The following LRP1B variants were observed in gnomAD, a reference collection of about 807,000 sequenced individuals.
The protein encoded by LRP1B is low-density lipoprotein receptor-related protein 1B.
A neutral mutation model predicts 556.6 loss-of-function variants in LRP1B; 217 were observed. The observed-to-expected ratio is 0.39, with a 90% CI of 0.35 to 0.44. The LOEUF (loss-of-function observed/expected upper bound fraction) is 0.44, where lower values mean the gene tolerates loss of function less well. LRP1B is among the 20% of genes least tolerant of loss of function. The pLI is 1.00. For missense variants in LRP1B, 5,053 were observed against 5,620.8 expected (o/e 0.90, Z 3.23); for synonymous variants, 2,047 against 1,865.8 (o/e 1.10, Z -2.50).
intron 3 of LRP1B, among the ~76,000 whole-genome samples, chr2:141,383,492 A>G (rs1240604497): frequency 6.6e-6 from 1 of 152,208 alleles, no homozygotes; most frequent in East Asian, 1.9e-4. Flanking sequence ...TGGATAAAAA[A>G]TATATGGTAT....
At chr2:141,084,257 T>C (rs548505632) in intron 7 of LRP1B, among the ~76,000 whole-genome samples, 34 of 152,296 alleles carry the variant, frequency 2.2e-4, no homozygotes, top group Middle Eastern at 6.8e-3. Flanking sequence ...AAACATGTTT[T>C]TATGGAAAAT....
At chr2:141,884,438 A>C (rs943134333) in intron 1 of LRP1B, among the ~76,000 whole-genome samples, 3 of 152,164 alleles carry the variant, frequency 2.0e-5, no homozygotes, top group Admixed American at 2.0e-4. Context: ...AGAAATGTTA[A>C]AGATCTAAAG....
intron 2 of LRP1B, among the ~76,000 whole-genome samples, chr2:141,670,756 C>T (rs1690636205): frequency 6.6e-6 from 1 of 152,192 alleles, no homozygotes; most frequent in African/African-American, 2.4e-5. Flanking sequence ...GAACTTTTGG[C>T]ACTTAGTTCT....
At chr2:141,690,396 A>AATAAATAAATAAATATATAT (rs5834858) in intron 2 of LRP1B, among the ~76,000 whole-genome samples, 12 of 26,892 alleles carry the variant, frequency 4.5e-4, no homozygotes, top group African/African-American at 7.0e-4. Flanking sequence ...TACATCTATA[A>AATAAATAAATAAATATATAT]ATATATATAT....
chr2:141,730,829 T>TA (rs1243408513), intron 2 of LRP1B, among the ~76,000 whole-genome samples: 9 of 152,174 alleles, frequency 5.9e-5, no homozygotes, highest in African/African-American at 2.2e-4. Flanking sequence ...CCCTGAATAC[T>TA]AAGCTTCATA....
At chr2:141,841,802 A>C (rs1697482975) in intron 1 of LRP1B, among the ~76,000 whole-genome samples, 1 of 152,210 alleles carries the variant, frequency 6.6e-6, no homozygotes, top group South Asian at 2.1e-4. Context: ...CAAGAGGGTT[A>C]CCTGCTGAAA....
At chr2:141,248,459 C>T (rs1013030989) in intron 4 of LRP1B, among the ~76,000 whole-genome samples, 5 of 152,060 alleles carry the variant, frequency 3.3e-5, no homozygotes, top group Admixed American at 6.6e-5. Context: ...GTGAAGACTT[C>T]GTATTAAACA....
chr2:140,786,762 T>A (rs7566255), intron 32 of LRP1B, among the ~76,000 whole-genome samples: 1 of 152,040 alleles, frequency 6.6e-6, no homozygotes, highest in Non-Finnish European at 1.5e-5. Flanking sequence ...GAGAGACTTG[T>A]GTCATGGAGA....
chr2:141,898,358 T>G (rs540478770), intron 1 of LRP1B, among the ~76,000 whole-genome samples: 1 of 152,218 alleles, frequency 6.6e-6, no homozygotes, highest in African/African-American at 2.4e-5. Flanking sequence ...ACAGAGTCAC[T>G]TTAATACCAT....
chr2:141,778,314 GA>G (rs1695141510), intron 2 of LRP1B, among the ~76,000 whole-genome samples: 1 of 152,152 alleles, frequency 6.6e-6, no homozygotes, highest in Admixed American at 6.5e-5. Context: ...GCATGTTCAT[GA>G]ACTATCTTAG....
At chr2:141,944,745 A>C (rs1438108305) in intron 1 of LRP1B, among the ~76,000 whole-genome samples, 1 of 152,176 alleles carries the variant, frequency 6.6e-6, no homozygotes, top group Non-Finnish European at 1.5e-5. Context: ...GAATACAATA[A>C]AATAGATATT....
chr2:142,031,342 T>A (rs926363824), intron 1 of LRP1B, among the ~76,000 whole-genome samples: 2 of 126,426 alleles, frequency 1.6e-5, no homozygotes, highest in African/African-American at 5.6e-5. Context: ...TTTTTTTTTT[T>A]TTTTTTATTA....
At chr2:141,167,134 A>G (rs546842930) in intron 7 of LRP1B, 1 of 152,056 alleles carries the variant, frequency 6.6e-6, no homozygotes, top group East Asian at 1.9e-4. Flanking sequence ...TATATAATAC[A>G]AAAAGCTCCC....
intron 66 of LRP1B, among the ~76,000 whole-genome samples, chr2:140,394,684 C>A (rs1250590807): frequency 6.6e-6 from 1 of 151,974 alleles, no homozygotes; most frequent in Non-Finnish European, 1.5e-5. Flanking sequence ...TTCTAGACAG[C>A]AATATGTCAA....
intron 2 of LRP1B, among the ~76,000 whole-genome samples, chr2:141,755,961 T>C (rs1380452956): frequency 6.7e-6 from 1 of 150,330 alleles, no homozygotes; most frequent in East Asian, 2.0e-4. Flanking sequence ...AATAGTGTTG[T>C]TCACACAAAT....
At chr2:140,248,743 A>T (rs1359276642) in intron 86 of LRP1B, among the ~76,000 whole-genome samples, 1 of 151,562 alleles carries the variant, frequency 6.6e-6, no homozygotes, top group Non-Finnish European at 1.5e-5. Flanking sequence ...CACATATTGT[A>T]ATCATTGACA....
chr2:140,795,478 G>A (rs1319049330), intron 32 of LRP1B, among the ~76,000 whole-genome samples: 2 of 151,960 alleles, frequency 1.3e-5, no homozygotes, highest in African/African-American at 4.8e-5. Flanking sequence ...GTTTAAATAT[G>A]GAACAATATT....
chr2:141,795,170 C>T (rs1695760744), intron 2 of LRP1B, among the ~76,000 whole-genome samples: 1 of 151,996 alleles, frequency 6.6e-6, no homozygotes, highest in Non-Finnish European at 1.5e-5. Flanking sequence ...TGGCAAGCAC[C>T]GTAGTACGAT....
At chr2:141,354,405 C>T (rs1449395798) in intron 3 of LRP1B, among the ~76,000 whole-genome samples, 1 of 151,890 alleles carries the variant, frequency 6.6e-6, no homozygotes, top group Non-Finnish European at 1.5e-5. Flanking sequence ...TTACATAGAA[C>T]ATAAAAGTAT....
Sources: allele counts gnomAD v4.1 joint callset (sites outside exome capture counted in the v4.1 genomes callset), GRCh38; gene constraint gnomAD v4.1.1; transcripts MANE v1.5; gene names NCBI Gene and HGNC (gene_info 2026-07-23, HGNC 2026-07-21).